BACH2: variants seen among roughly 807,000 people sequenced by gnomAD.
BACH2 encodes the protein transcription regulator protein BACH2.
Under a neutral mutation model 61.8 loss-of-function variants are expected in BACH2, and 5 were observed. That is an observed-to-expected ratio of 0.08 (90% CI 0.04 to 0.17). The LOEUF (loss-of-function observed/expected upper bound fraction) is 0.17, where lower values mean the gene tolerates loss of function less well. BACH2 is among the 10% of genes least tolerant of loss of function. The probability of loss-of-function intolerance (pLI) is 1.00; values close to 1 mark genes in which losing one functional copy is unlikely to be tolerated. For missense variants in BACH2, 824 were observed against 1,091.1 expected, an observed-to-expected ratio of 0.76 and a Z score of 3.45; for synonymous variants, 446 against 440.1, an observed-to-expected ratio of 1.01 and a Z score of -0.17.
At chr6:90,243,044 TA>T in intron 3 of BACH2, among the ~76,000 whole-genome samples, 1 of 138,724 alleles carries the variant, frequency 7.2e-6, no homozygotes, top group Non-Finnish European at 1.6e-5. Flanking sequence ...CATGCCCGGC[TA>T]ATTTTTTTTT....
chr6:90,158,643 T>C (rs559360130), intron 4 of BACH2, among the ~76,000 whole-genome samples: 1 of 151,388 alleles, frequency 6.6e-6, no homozygotes, highest in South Asian at 2.1e-4. Flanking sequence ...GTGGTTGAGC[T>C]GGGGGATGGG....
In BACH2 at chr6:90,080,751, C is replaced by A. The variant is rs945796380; in HGVS notation, c.-13+8210G>T. ...AAGGCGTCAACCCTGAGAAAGGCATCTTTACCTGTGTGCCTGCTCATTATC... is the reference window on the plus strand; with the variant it reads ...AAGGCGTCAACCCTGAGAAAGGCATATTTACCTGTGTGCCTGCTCATTATC... On this transcript the variant is annotated intron_variant, in intron 5 of 8. Transcript: ENST00000257749. The A allele has an allele frequency of 5.1e-6, 5 of 985,256 alleles. No homozygotes were observed. In the South Asian group the frequency reaches 1.4e-4, roughly 28 times the overall value. The allele number at this position is 985,256 out of a possible 1,614,324, so 61.0% of individuals were successfully genotyped here.
At chr6:89,949,711 C>G (rs2128356513) in intron 7 of BACH2, among the ~76,000 whole-genome samples, 1 of 152,180 alleles carries the variant, frequency 6.6e-6, no homozygotes, top group South Asian at 2.1e-4. Context: ...TGTGATGACC[C>G]CAGGACCGGG....
At chr6:90,103,029 A>T (rs868428035) in intron 4 of BACH2, among the ~76,000 whole-genome samples, 730 of 21,200 alleles carry the variant, frequency 0.034, 63 homozygotes, top group African/African-American at 0.11. Flanking sequence ...ATATATATAT[A>T]TTTTTTTTTT....
intron 5 of BACH2, among the ~76,000 whole-genome samples, chr6:90,014,440 G>GTGTGTA (rs1330299169): frequency 3.1e-4 from 15 of 48,044 alleles, no homozygotes; most frequent in Non-Finnish European, 3.1e-4. Context: ...GTGTGTGTGT[G>GTGTGTA]TATATATATA....
At chr6:90,177,507 C>T (rs1582452864) in intron 4 of BACH2, among the ~76,000 whole-genome samples, 1 of 152,172 alleles carries the variant, frequency 6.6e-6, no homozygotes, top group Admixed American at 6.5e-5. Flanking sequence ...CAGGACCTTC[C>T]AGTTAGTAAG....
In BACH2 at chr6:89,951,960, C is replaced by G; in HGVS notation, c.244-98G>C. ...AAGATAACCAGACAGTGCTAATGTCCCAGAATAAAGACTGCAAAGGGGCAG... is the reference window on the plus strand; with the variant it reads ...AAGATAACCAGACAGTGCTAATGTCGCAGAATAAAGACTGCAAAGGGGCAG... On this transcript the variant is annotated intron_variant, in intron 6 of 8. Coordinates refer to ENST00000257749, the MANE Select transcript of BACH2 (RefSeq NM_021813.4). The surrounding 1 kb of genome is among the most constrained non-coding windows in gnomAD (Gnocchi z 6.4). The G allele has an allele frequency of 1.4e-6, 2 of 1,410,638 alleles. No homozygotes were observed. The highest frequency in any genetic ancestry group is 1.9e-6 in the Non-Finnish European group (2 of 1,036,738). 87.4% of individuals were successfully genotyped at this position (1,410,638 alleles called of 1,614,324 possible). A position where few individuals can be genotyped will look rare whatever the true frequency, so the allele number is the denominator to read the frequency against.
intron 4 of BACH2, among the ~76,000 whole-genome samples, chr6:90,122,572 A>G (rs942820367): frequency 2.0e-5 from 3 of 152,238 alleles, no homozygotes; most frequent in African/African-American, 7.2e-5. Context: ...AATCAATAAT[A>G]GACTTACTAT....
At chr6:90,268,866 C>A (rs1046739195) in intron 2 of BACH2, among the ~76,000 whole-genome samples, 1 of 152,070 alleles carries the variant, frequency 6.6e-6, no homozygotes, top group South Asian at 2.1e-4. Context: ...AAAAAAGATA[C>A]TAAATAGATC....
At chr6:90,272,448 C>T (rs1771555708) in intron 1 of BACH2, among the ~76,000 whole-genome samples, 1 of 152,094 alleles carries the variant, frequency 6.6e-6, no homozygotes, top group Non-Finnish European at 1.5e-5. Flanking sequence ...GCCCCCCAAT[C>T]ATCCCCATTC....
At chr6:90,093,874 G>A (rs1582347441) in intron 4 of BACH2, among the ~76,000 whole-genome samples, 1 of 152,188 alleles carries the variant, frequency 6.6e-6, no homozygotes, top group Admixed American at 6.5e-5. Flanking sequence ...CTTAGGAAAA[G>A]GTGGGTGAGG....
chr6:90,080,453 T>C (rs1244998693), intron 5 of BACH2, among the ~76,000 whole-genome samples: 10 of 152,114 alleles, frequency 6.6e-5, no homozygotes, highest in Admixed American at 6.6e-4. Flanking sequence ...TTGAAGCATC[T>C]GATATTTAGA....
At chr6:90,068,081 A>C (rs111710305) in intron 5 of BACH2, among the ~76,000 whole-genome samples, 2,198 of 152,320 alleles carry the variant, frequency 0.014, 46 homozygotes, top group African/African-American at 0.051. Flanking sequence ...AAATCACTGC[A>C]CTTATTCTAA....
intron 4 of BACH2, among the ~76,000 whole-genome samples, chr6:90,151,566 C>T (rs1056917024): frequency 2.0e-5 from 3 of 152,186 alleles, no homozygotes; most frequent in Admixed American, 6.5e-5. Flanking sequence ...GCTGGGATTA[C>T]AGATATGAGC....
intron 6 of BACH2, among the ~76,000 whole-genome samples, chr6:89,967,192 T>A (rs1239103072): frequency 2.0e-5 from 3 of 152,194 alleles, no homozygotes; most frequent in Admixed American, 2.0e-4. Flanking sequence ...TTCTGGGCCA[T>A]CTATTTTGAA....
At chr6:90,165,721 T>C (rs1767587329) in intron 4 of BACH2, among the ~76,000 whole-genome samples, 1 of 152,134 alleles carries the variant, frequency 6.6e-6, no homozygotes, top group East Asian at 1.9e-4. Context: ...TATAGACCAA[T>C]GGAACAGAAC....
At chr6:90,179,546 T>C (rs1768089393) in intron 4 of BACH2, among the ~76,000 whole-genome samples, 1 of 152,136 alleles carries the variant, frequency 6.6e-6, no homozygotes, top group Non-Finnish European at 1.5e-5. Flanking sequence ...TAAGGCTTAG[T>C]TCTGGACTGG....
chr6:90,129,930 C>T (rs377474935), intron 4 of BACH2, among the ~76,000 whole-genome samples: 83 of 152,124 alleles, frequency 5.5e-4, no homozygotes, highest in African/African-American at 1.8e-3. Flanking sequence ...AATGCAGTGG[C>T]GCGATCTCAG....
chr6:90,067,388 C>T (rs1244356250), intron 5 of BACH2, among the ~76,000 whole-genome samples: 1 of 152,074 alleles, frequency 6.6e-6, no homozygotes, highest in East Asian at 1.9e-4. Context: ...TGGGATGTTA[C>T]GCAGTAAGTA....
Sources: allele counts gnomAD v4.1 joint callset (sites outside exome capture counted in the v4.1 genomes callset), GRCh38; gene constraint gnomAD v4.1.1; non-coding constraint Gnocchi (gnomAD v3.1); transcripts MANE v1.5; gene names NCBI Gene and HGNC (gene_info 2026-07-23, HGNC 2026-07-21).